CADPS2: variants seen among roughly 807,000 people sequenced by gnomAD.
CADPS2 encodes the protein calcium-dependent secretion activator 2.
In CADPS2, 93 loss-of-function variants were observed where a neutral mutation model predicts 172.5. That is an observed-to-expected ratio of 0.54 (90% CI 0.46 to 0.64). The LOEUF (loss-of-function observed/expected upper bound fraction) is 0.64, where lower values mean the gene tolerates loss of function less well. CADPS2 is among the 30% of genes least tolerant of loss of function. CADPS2 has a pLI of 0.00. For synonymous variants in CADPS2, 546 were observed against 555.2 expected, an observed-to-expected ratio of 0.98 and a Z score of 0.23; for missense variants, 1,420 against 1,565.9, an observed-to-expected ratio of 0.91 and a Z score of 1.57.
intron 17 of CADPS2, among the ~76,000 whole-genome samples, chr7:122,425,068 C>CCCCCAGG (rs907104825): frequency 3.9e-5 from 6 of 152,110 alleles, no homozygotes; most frequent in Non-Finnish European, 7.4e-5. Flanking sequence ...CAGCCTCGAA[C>CCCCCAGG]CCCCAGGCCC....
At chr7:122,633,002 T>C (rs2076724248) in intron 3 of CADPS2, among the ~76,000 whole-genome samples, 1 of 152,106 alleles carries the variant, frequency 6.6e-6, no homozygotes, top group African/African-American at 2.4e-5. Flanking sequence ...GATCAGATAG[T>C]TGTAGGTGTG....
intron 3 of CADPS2, among the ~76,000 whole-genome samples, chr7:122,632,809 T>C (rs1387451633): frequency 3.9e-5 from 6 of 152,204 alleles, no homozygotes; most frequent in Non-Finnish European, 8.8e-5. Context: ...GTATTTCTTT[T>C]AGAATTTTTA....
intron 7 of CADPS2, among the ~76,000 whole-genome samples, chr7:122,570,778 C>T: frequency 6.6e-6 from 1 of 151,938 alleles, no homozygotes; most frequent in East Asian, 1.9e-4. Context: ...TAAACTATCG[C>T]AAGGACAAAA....
intron 17 of CADPS2, among the ~76,000 whole-genome samples, chr7:122,418,491 T>C (rs1053934815): frequency 6.6e-6 from 1 of 152,208 alleles, no homozygotes; most frequent in Non-Finnish European, 1.5e-5. Context: ...GGCAAATGTT[T>C]CTTAGCAGGG....
intron 1 of CADPS2, among the ~76,000 whole-genome samples, chr7:122,841,393 T>C (rs1245637696): frequency 2.0e-5 from 3 of 152,148 alleles, no homozygotes; most frequent in African/African-American, 7.2e-5. Flanking sequence ...GAGTTTAACA[T>C]ATGCTAAATT....
At chr7:122,756,404 C>T (rs1400064021) in intron 1 of CADPS2, among the ~76,000 whole-genome samples, 1 of 152,044 alleles carries the variant, frequency 6.6e-6, no homozygotes, top group Non-Finnish European at 1.5e-5. Context: ...AATTCATTTA[C>T]ATTATCAAAA....
At chr7:122,329,335 C>T (rs546898038) in intron 28 of CADPS2, among the ~76,000 whole-genome samples, 1 of 152,258 alleles carries the variant, frequency 6.6e-6, no homozygotes, top group Non-Finnish European at 1.5e-5. Flanking sequence ...TAGAAATTGA[C>T]AAACCTCATC....
At chr7:122,381,672 T>C (rs754049706) in intron 24 of CADPS2, among the ~76,000 whole-genome samples, 2 of 152,130 alleles carry the variant, frequency 1.3e-5, no homozygotes, top group African/African-American at 2.4e-5. Context: ...CATTAAATTC[T>C]CCTATAATAC....
intron 14 of CADPS2, among the ~76,000 whole-genome samples, chr7:122,468,083 G>C (rs1356565967): frequency 6.6e-6 from 1 of 152,096 alleles, no homozygotes; most frequent in Admixed American, 6.5e-5. Flanking sequence ...AACACACCTA[G>C]AGAGCTCAAC....
chr7:122,401,364 C>A (rs1222457414), intron 20 of CADPS2, among the ~76,000 whole-genome samples: 1 of 152,146 alleles, frequency 6.6e-6, no homozygotes, highest in African/African-American at 2.4e-5. Context: ...AACCAGTTCC[C>A]AATAGAATGG....
At chr7:122,526,464 A>G (rs1053404205) in intron 8 of CADPS2, among the ~76,000 whole-genome samples, 2 of 152,068 alleles carry the variant, frequency 1.3e-5, no homozygotes, top group Admixed American at 1.3e-4. Context: ...AAGTGCTGGG[A>G]ATACAGGCAT....
chr7:122,862,539 C>G (rs1488921116), intron 1 of CADPS2, among the ~76,000 whole-genome samples: 1 of 152,124 alleles, frequency 6.6e-6, no homozygotes, highest in Admixed American at 6.5e-5. Context: ...CCAGTTCTGG[C>G]CACAGCTCCC....
At chr7:122,574,452 A>AAAAAAAAAAAAAAAAAG (rs2067705355) in intron 7 of CADPS2, among the ~76,000 whole-genome samples, 1 of 148,014 alleles carries the variant, frequency 6.8e-6, no homozygotes, top group Non-Finnish European at 1.5e-5. Flanking sequence ...TCTTAAAAAA[A>AAAAAAAAAAAAAAAAAG]AAAAAAAAAA....
At chr7:122,555,450 C>T (rs1273703898) in intron 7 of CADPS2, among the ~76,000 whole-genome samples, 1 of 151,878 alleles carries the variant, frequency 6.6e-6, no homozygotes, top group African/African-American at 2.4e-5. Flanking sequence ...TACATCTAAG[C>T]CTTAATATTT....
intron 2 of CADPS2, among the ~76,000 whole-genome samples, chr7:122,709,364 C>CT (rs1483596263): frequency 6.6e-6 from 1 of 152,104 alleles, no homozygotes; most frequent in Non-Finnish European, 1.5e-5. Context: ...GAGATACCAT[C>CT]TTACACCAGT....
At chr7:122,605,335 C>T (rs1421653658) in intron 6 of CADPS2, among the ~76,000 whole-genome samples, 1 of 152,044 alleles carries the variant, frequency 6.6e-6, no homozygotes, top group South Asian at 2.1e-4. Flanking sequence ...TACGATGTTA[C>T]GACGGCTATG....
intron 20 of CADPS2, 67 bp from the exon 21 acceptor site, chr7:122,393,649 CA>C (rs973144061): frequency 1.9e-5 from 30 of 1,541,986 alleles, no homozygotes; most frequent in South Asian, 1.2e-5. Context: ...AAATATGGGC[CA>C]AAAAAACACG....
At chr7:122,762,897 G>T (rs1471965563) in intron 1 of CADPS2, among the ~76,000 whole-genome samples, 1 of 151,986 alleles carries the variant, frequency 6.6e-6, no homozygotes, top group Non-Finnish European at 1.5e-5. Flanking sequence ...ACAATGAAAA[G>T]ACCAAGAAAG....
intron 16 of CADPS2, among the ~76,000 whole-genome samples, chr7:122,439,652 C>T (rs563931829): frequency 7.0e-6 from 1 of 142,228 alleles, no homozygotes. Flanking sequence ...TTGAAAATAG[C>T]AAACTTTATC....
Sources: gnomAD v4.1 joint callset for allele counts (sites outside exome capture counted in the v4.1 genomes callset) on GRCh38, gnomAD v4.1.1 for gene constraint, MANE v1.5 for transcripts, NCBI Gene and HGNC (gene_info 2026-07-23, HGNC 2026-07-21) for gene names.